Variants in UNC79 observed in about 807,000 individuals in gnomAD.
UNC79 encodes the protein protein unc-79 homolog.
Under a neutral mutation model 283.1 loss-of-function variants are expected in UNC79, and 37 were observed. The ratio of observed to expected loss-of-function variants is 0.13; its 90% confidence interval spans 0.10 to 0.17. The LOEUF (loss-of-function observed/expected upper bound fraction) is 0.17. Ranked by LOEUF, UNC79 falls within the 10% of genes least tolerant of loss-of-function variation. The probability of loss-of-function intolerance (pLI) is 1.00; values close to 1 mark genes in which losing one functional copy is unlikely to be tolerated. For synonymous variants in UNC79, 1,107 were observed against 1,200.2 expected (o/e 0.92, Z 1.61); for missense variants, 2,272 against 3,211.1 (o/e 0.71, Z 7.07).
intron 7 of UNC79, among the ~76,000 whole-genome samples, chr14:93,522,848 A>G (rs1039664169): frequency 1.1e-4 from 16 of 152,130 alleles, no homozygotes; most frequent in African/African-American, 3.9e-4. Flanking sequence ...TGAATCCCCA[A>G]CTAGACACAT....
intron 26 of UNC79, among the ~76,000 whole-genome samples, chr14:93,608,273 G>A (rs554968023): frequency 6.6e-6 from 1 of 152,214 alleles, no homozygotes; most frequent in South Asian, 2.1e-4. Flanking sequence ...TATTAAGTAT[G>A]AACATCAGTA....
exon 33 of UNC79, chr14:93,641,199 C>T: frequency 6.2e-7 from 1 of 1,613,844 alleles, no homozygotes; most frequent in Non-Finnish European, 8.5e-7. Flanking sequence ...ATGTTTGTGC[C>T]TGCACCTGAA....
chr14:93,572,554 T>C (rs779200881), intron 15 of UNC79, 139 bp from the exon 16 acceptor site: 2 of 1,226,108 alleles, frequency 1.6e-6, no homozygotes, highest in Non-Finnish European at 2.3e-6. Context: ...AAGTGAAATA[T>C]GCTGATAACA....
chr14:93,617,012 T>C lies in UNC79; in HGVS notation c.4042-110T>C, dbSNP rs2066782381. 6 of 920,434 alleles carry C rather than the reference T, an allele frequency of 6.5e-6. No homozygotes were observed. Among genetic ancestry groups the C allele is most frequent in the African/African-American group, 1.7e-5 (1 of 59,680 alleles). 57.0% of individuals were successfully genotyped at this position (920,434 alleles called of 1,614,324 possible). A position where few individuals can be genotyped will look rare whatever the true frequency, so the allele number is the denominator to read the frequency against. On this transcript the variant is annotated intron_variant, in intron 27 of 48. Coordinates refer to ENST00000555664, the Ensembl canonical transcript of UNC79. The surrounding 1 kb of genome is among the most constrained non-coding windows in gnomAD (Gnocchi z 4.5). ...AATATTCTGTGGGATGCCTGTTAAA[T>C]ATTTTGCCTGTTAAAAATTTTAACC...
chr14:93,691,003 T>C (rs1164132346), intron 45 of UNC79: 3 of 153,346 alleles, frequency 2.0e-5, no homozygotes, highest in Non-Finnish European at 4.4e-5. Context: ...AAGCTGACGA[T>C]GTGATAAAAT....
chr14:93,633,770 A>G (rs1200203678), intron 31 of UNC79, among the ~76,000 whole-genome samples: 1 of 152,164 alleles, frequency 6.6e-6, no homozygotes, highest in South Asian at 2.1e-4. Flanking sequence ...TAATAACTTG[A>G]CATTTCACTG....
intron 41 of UNC79, among the ~76,000 whole-genome samples, chr14:93,680,913 T>C (rs2073795312): frequency 6.6e-6 from 1 of 152,236 alleles, no homozygotes; most frequent in Non-Finnish European, 1.5e-5. Flanking sequence ...TGTACGTCTA[T>C]CAAATATTTC....
At chr14:93,548,514 T>G (rs141677178) in intron 14 of UNC79, among the ~76,000 whole-genome samples, 3 of 152,314 alleles carry the variant, frequency 2.0e-5, no homozygotes, top group East Asian at 3.9e-4. Flanking sequence ...ATCTAAAAAA[T>G]GTTGTTTTTT....
chr14:93,562,453 G>A (rs888762221), intron 14 of UNC79, among the ~76,000 whole-genome samples: 4 of 152,166 alleles, frequency 2.6e-5, no homozygotes, highest in Non-Finnish European at 5.9e-5. Flanking sequence ...GTTCAAATGG[G>A]CTGTACCCTG....
At chr14:93,503,771 C>G (rs2059407412) in intron 7 of UNC79, among the ~76,000 whole-genome samples, 1 of 150,546 alleles carries the variant, frequency 6.6e-6, no homozygotes, top group Non-Finnish European at 1.5e-5. Context: ...AATGTCTTAT[C>G]ATTAAATAAA....
chr14:93,641,097 C>A (rs780884562), intron 32 of UNC79, 48 bp from the exon 36 acceptor site: 2 of 1,544,068 alleles, frequency 1.3e-6, no homozygotes, highest in East Asian at 2.3e-5. Context: ...TTCTTGGCCC[C>A]TTGAAGCTCA....
chr14:93,615,741 A>AAAG lies in UNC79; in HGVS notation c.4042-1379_4042-1378insGAA, dbSNP rs1555375379. On this transcript the variant is annotated intron_variant, in intron 27 of 48. Coordinates refer to ENST00000555664, the Ensembl canonical transcript of UNC79. ...ATCTCAAAAAAAAAAAAAAAAAAAAAAAAAGAAAAGAAGAAAAGAAGAAAA... is the reference window on the plus strand; with the variant it reads ...ATCTCAAAAAAAAAAAAAAAAAAAAAAAGAAAAGAAAAGAAGAAAAGAAGAAAA... Among the ~76,000 whole-genome samples, 128 of 142,774 alleles carry AAAG rather than the reference A, an allele frequency of 9.0e-4. 1 individual carries two copies. Among genetic ancestry groups the AAAG allele is most frequent in the African/African-American group, 3.6e-3 (123 of 34,414 alleles). 93.7% of individuals were successfully genotyped at this position (142,774 alleles called of 152,430 possible). A position where few individuals can be genotyped will look rare whatever the true frequency, so the allele number is the denominator to read the frequency against.
exon 30 of UNC79, chr14:93,622,044 A>C (rs745933039): frequency 5.6e-6 from 9 of 1,614,106 alleles, no homozygotes; most frequent in Non-Finnish European, 5.1e-6. Context: ...CCTAAAGAGG[A>C]TTTAGATCTG....
chr14:93,644,874 G>A (rs2069429812), intron 34 of UNC79, among the ~76,000 whole-genome samples: 1 of 152,144 alleles, frequency 6.6e-6, no homozygotes, highest in Non-Finnish European at 1.5e-5. Context: ...TAGACAGATT[G>A]TATAAAGGTA....
intron 1 of UNC79, among the ~76,000 whole-genome samples, chr14:93,455,730 T>C (rs2140189823): frequency 6.6e-6 from 1 of 152,352 alleles, no homozygotes; most frequent in South Asian, 2.1e-4. Flanking sequence ...AAAGTACTTA[T>C]AGCAACTCTG....
Position 93,575,043 on chromosome 14 carries a change from G to A in UNC79, c.2071-15G>A, listed in dbSNP as rs2063396612. The A allele has an allele frequency of 2.5e-6, 4 of 1,590,452 alleles. No individual in the cohort carries two copies. The Admixed American group carries it at 7.4e-5, about 29-fold the overall frequency. On this transcript the variant is annotated splice_polypyrimidine_tract_variant and intron_variant, in intron 16 of 48. Coordinates refer to ENST00000555664, the Ensembl canonical transcript of UNC79. ...TACATGTGTTTTTTGGGGGATATAT[G>A]CCTTTTTTCCCTAGGTATTATCGGA...
chr14:93,593,907 T>C, intron 23 of UNC79, 70 bp downstream of exon 23: 1 of 1,448,894 alleles, frequency 6.9e-7, no homozygotes, highest in Non-Finnish European at 9.2e-7. Context: ...CGGCATCTTT[T>C]TTGGCACCTC....
At chr14:93,648,843 C>T (rs2069922416) in intron 35 of UNC79, among the ~76,000 whole-genome samples, 1 of 152,202 alleles carries the variant, frequency 6.6e-6, no homozygotes, top group African/African-American at 2.4e-5. Flanking sequence ...GAGATGCAAG[C>T]ACTTGCTGAG....
intron 1 of UNC79, among the ~76,000 whole-genome samples, chr14:93,356,422 A>G (rs987048243): frequency 1.2e-4 from 19 of 152,148 alleles, no homozygotes; most frequent in Admixed American, 1.2e-3. Context: ...CCCAACACAG[A>G]TCCCTTTGTA....
Sources: allele counts gnomAD v4.1 joint callset (sites outside exome capture counted in the v4.1 genomes callset), GRCh38; gene constraint gnomAD v4.1.1; non-coding constraint Gnocchi (gnomAD v3.1); transcripts MANE v1.5; gene names NCBI Gene and HGNC (gene_info 2026-07-23, HGNC 2026-07-21).